UNC13C: variants seen among roughly 807,000 people sequenced by gnomAD.
The protein encoded by UNC13C is protein unc-13 homolog C.
Under a neutral mutation model 245.4 loss-of-function variants are expected in UNC13C, and 174 were observed. The ratio of observed to expected loss-of-function variants is 0.71; its 90% CI spans 0.63 to 0.80. The LOEUF is 0.80. UNC13C is among the 30% of genes least tolerant of loss of function. The pLI is 0.00. For synonymous variants in UNC13C, 992 were observed against 895.1 expected (o/e 1.11, Z -1.93); for missense variants, 2,829 against 2,602.9 (o/e 1.09, Z -1.89).
At chr15:54,446,205 A>G (rs867894345) in intron 19 of UNC13C, among the ~76,000 whole-genome samples, 1 of 152,212 alleles carries the variant, frequency 6.6e-6, no homozygotes, top group African/African-American at 2.4e-5. Context: ...GCCTTGTAGT[A>G]TAGTTTAAAG....
chr15:54,577,950 G>A (rs1898028597), intron 30 of UNC13C, among the ~76,000 whole-genome samples: 2 of 152,090 alleles, frequency 1.3e-5, no homozygotes, highest in Admixed American at 1.3e-4. Context: ...AATCCTCTTT[G>A]GAGTGAGAGA....
chr15:54,482,462 C>G (rs1437087088), intron 19 of UNC13C, among the ~76,000 whole-genome samples: 2 of 152,122 alleles, frequency 1.3e-5, no homozygotes, highest in Admixed American at 1.3e-4. Context: ...AATGTAGGAG[C>G]GGGCGGTGGG....
intron 4 of UNC13C, among the ~76,000 whole-genome samples, chr15:54,145,358 A>C (rs771363582): frequency 7.9e-5 from 12 of 152,152 alleles, no homozygotes; most frequent in Non-Finnish European, 1.6e-4. Flanking sequence ...AGCTCCTACA[A>C]ATTAATATAT....
At chr15:54,425,458 A>G (rs1391873890) in intron 19 of UNC13C, among the ~76,000 whole-genome samples, 1 of 151,876 alleles carries the variant, frequency 6.6e-6, no homozygotes. Context: ...TATGCTCCAC[A>G]TAAGAAAAAC....
intron 10 of UNC13C, among the ~76,000 whole-genome samples, chr15:54,288,055 A>C (rs552426139): frequency 6.0e-4 from 92 of 152,280 alleles, no homozygotes; most frequent in African/African-American, 2.1e-3. Flanking sequence ...CAACACTCCC[A>C]ATGTATTGTG....
the UNC13C span, among the ~76,000 whole-genome samples, chr15:53,839,932 G>A: frequency 4.6e-5 from 7 of 151,982 alleles, no homozygotes; most frequent in East Asian, 1.9e-4. Context: ...CATTTTGCAC[G>A]TTATTGCTGG....
At chr15:54,373,406 G>C (rs555030260) in intron 17 of UNC13C, among the ~76,000 whole-genome samples, 1 of 152,250 alleles carries the variant, frequency 6.6e-6, no homozygotes, top group East Asian at 1.9e-4. Context: ...TTCCTTCAAG[G>C]GTGAACCAGG....
In UNC13C at chr15:54,014,364, C is replaced by T; in HGVS notation, c.1461C>T (p.His487=). ...CTTCCAAGCCAAGCTCAAAATCACA[C>T]AGTGCTAGATCCAAGAATAAAACTG... The part of the protein sequence containing the change: ...GSTSKPSSKS[H]SARSKNKTAN... The change falls in exon 2 of 33, where the codon CAC becomes CAT. Residue 487 remains histidine (H), a synonymous_variant. Coordinates refer to ENST00000260323, the MANE Select transcript of UNC13C (RefSeq NM_001080534.3). The T allele has an allele frequency of 6.2e-7, 1 of 1,613,864 alleles. No individual in the cohort carries two copies. The highest frequency in any genetic ancestry group is 8.5e-7 in the Non-Finnish European group (1 of 1,179,828).
chr15:54,179,557 G>T (rs1255970562), intron 4 of UNC13C, among the ~76,000 whole-genome samples: 1 of 151,970 alleles, frequency 6.6e-6, no homozygotes, highest in Non-Finnish European at 1.5e-5. Context: ...TATAATTAGA[G>T]ATAGTTCAAT....
chr15:53,904,492 A>G, the UNC13C span, among the ~76,000 whole-genome samples: 1 of 152,154 alleles, frequency 6.6e-6, no homozygotes. Context: ...TAAAAATGAA[A>G]AAAACCATTG....
chr15:54,310,849 T>G (rs1271077944), intron 13 of UNC13C, among the ~76,000 whole-genome samples: 5 of 151,744 alleles, frequency 3.3e-5, no homozygotes, highest in African/African-American at 1.2e-4. Flanking sequence ...TTCAAAGAAA[T>G]GTAGCCACTA....
intron 26 of UNC13C, among the ~76,000 whole-genome samples, chr15:54,545,091 A>G (rs1273316349): frequency 1.3e-5 from 2 of 152,252 alleles, no homozygotes; most frequent in African/African-American, 4.8e-5. Flanking sequence ...TACTGGTACC[A>G]GAACAGATAT....
chr15:54,197,313 C>T (rs2034386236), intron 4 of UNC13C, among the ~76,000 whole-genome samples: 2 of 151,902 alleles, frequency 1.3e-5, no homozygotes, highest in African/African-American at 4.8e-5. Flanking sequence ...CCCATCTCTA[C>T]TAAAAATACA....
At chr15:53,923,127 C>T in the UNC13C span, among the ~76,000 whole-genome samples, 1 of 152,162 alleles carries the variant, frequency 6.6e-6, no homozygotes, top group African/African-American at 2.4e-5. Flanking sequence ...TTCCTTGTTG[C>T]TGAACTACTG....
chr15:53,855,601 T>C, the UNC13C span, among the ~76,000 whole-genome samples: 1 of 152,320 alleles, frequency 6.6e-6, no homozygotes, highest in African/African-American at 2.4e-5. Context: ...ATTACAGTTA[T>C]TGATCTGCCT....
intron 17 of UNC13C, among the ~76,000 whole-genome samples, chr15:54,383,198 A>G (rs956432373): frequency 2.6e-5 from 4 of 152,194 alleles, no homozygotes; most frequent in Non-Finnish European, 4.4e-5. Flanking sequence ...CTATGAGGCT[A>G]GCATTTTCCT....
At chr15:53,856,856 C>G in the UNC13C span, among the ~76,000 whole-genome samples, 1 of 152,170 alleles carries the variant, frequency 6.6e-6, no homozygotes, top group African/African-American at 2.4e-5. Flanking sequence ...TCTCAGTGAT[C>G]TGTCTAATAA....
chr15:54,278,520 T>C (rs2036893893), intron 10 of UNC13C, among the ~76,000 whole-genome samples: 1 of 152,148 alleles, frequency 6.6e-6, no homozygotes, highest in African/African-American at 2.4e-5. Context: ...ATTTAGTATA[T>C]CTTGATGATC....
chr15:54,056,507 G>A (rs1421939865), intron 2 of UNC13C, among the ~76,000 whole-genome samples: 2 of 152,182 alleles, frequency 1.3e-5, no homozygotes, highest in African/African-American at 4.8e-5. Context: ...AAGTGATGGG[G>A]AGAATGGAAC....
Sources: gnomAD v4.1 joint callset for allele counts (sites outside exome capture counted in the v4.1 genomes callset) on GRCh38, gnomAD v4.1.1 for gene constraint, MANE v1.5 for transcripts, NCBI Gene and HGNC (gene_info 2026-07-23, HGNC 2026-07-21) for gene names.